Variants in CADPS2 observed in about 807,000 individuals in gnomAD.
CADPS2 encodes calcium-dependent secretion activator 2.
In CADPS2, 93 loss-of-function variants were observed where a neutral mutation model predicts 172.5. That is an observed-to-expected ratio of 0.54 (90% CI 0.46 to 0.64). CADPS2 has a LOEUF of 0.64. Among genes scored for constraint, CADPS2 ranks in the 30% least tolerant of loss-of-function variants. The pLI is 0.00. For missense variants in CADPS2, 1,420 were observed against 1,565.9 expected (o/e 0.91, Z 1.57); for synonymous variants, 546 against 555.2 (o/e 0.98, Z 0.23).
At chr7:122,362,306 A>G (rs1271605287) in intron 25 of CADPS2, among the ~76,000 whole-genome samples, 1 of 152,174 alleles carries the variant, frequency 6.6e-6, no homozygotes, top group African/African-American at 2.4e-5. Flanking sequence ...GCAGAGTACA[A>G]TGGAAAAGAG....
At chr7:122,528,124 TGGTGGTGGTG>T (rs2061429991) in intron 8 of CADPS2, among the ~76,000 whole-genome samples, 1 of 55,626 alleles carries the variant, frequency 1.8e-5, no homozygotes, top group Non-Finnish European at 4.6e-5. Context: ...GTGGTGGTGG[TGGTGGTGGTG>T]GTGGTGGTGG....
chr7:122,811,902 C>A (rs1347728547), intron 1 of CADPS2, among the ~76,000 whole-genome samples: 1 of 152,058 alleles, frequency 6.6e-6, no homozygotes, highest in Non-Finnish European at 1.5e-5. Context: ...TTAGACAGAT[C>A]ATTTGCTAAG....
At chr7:122,717,141 C>T (rs949470262) in intron 2 of CADPS2, among the ~76,000 whole-genome samples, 2 of 151,994 alleles carry the variant, frequency 1.3e-5, no homozygotes, top group African/African-American at 2.4e-5. Flanking sequence ...ACAATTTATC[C>T]TACAGCTTAT....
intron 1 of CADPS2, among the ~76,000 whole-genome samples, chr7:122,861,465 G>T (rs1180189113): frequency 6.6e-6 from 1 of 152,098 alleles, no homozygotes; most frequent in African/African-American, 2.4e-5. Flanking sequence ...GTTTGTTATT[G>T]AATTGTTGGA....
intron 1 of CADPS2, among the ~76,000 whole-genome samples, chr7:122,875,859 A>G (rs547610213): frequency 1.3e-5 from 2 of 152,330 alleles, no homozygotes; most frequent in African/African-American, 4.8e-5. Context: ...TAATCCTAAA[A>G]GAGAAGCTAG....
chr7:122,655,666 T>C (rs1027784024), intron 3 of CADPS2, among the ~76,000 whole-genome samples: 3 of 152,098 alleles, frequency 2.0e-5, no homozygotes, highest in Non-Finnish European at 4.4e-5. Context: ...GGTCTGGAAC[T>C]GGACCCACAA....
At chr7:122,746,318 A>G (rs1163999007) in intron 1 of CADPS2, among the ~76,000 whole-genome samples, 1 of 152,204 alleles carries the variant, frequency 6.6e-6, no homozygotes, top group Non-Finnish European at 1.5e-5. Flanking sequence ...CCAAGTTAAC[A>G]TACGTTTTAA....
chr7:122,381,456 C>T (rs973207021), intron 24 of CADPS2, among the ~76,000 whole-genome samples: 28 of 152,088 alleles, frequency 1.8e-4, no homozygotes, highest in Admixed American at 1.8e-3. Flanking sequence ...CAATGTTTTT[C>T]TCTGTTTTCA....
intron 1 of CADPS2, among the ~76,000 whole-genome samples, chr7:122,799,382 G>A (rs1004972949): frequency 6.6e-5 from 10 of 152,012 alleles, no homozygotes; most frequent in African/African-American, 2.2e-4. Context: ...GGTGGATCAC[G>A]AGGTCAGGAG....
At chr7:122,366,718 C>CGTATATATATATAT (rs2040958709) in intron 25 of CADPS2, 2 of 145,542 alleles carry the variant, frequency 1.4e-5, no homozygotes, top group Non-Finnish European at 3.0e-5. Context: ...TATATATATA[C>CGTATATATATATAT]ACACATATAT....
At chr7:122,712,451 T>C (rs1033568150) in intron 2 of CADPS2, among the ~76,000 whole-genome samples, 5 of 152,170 alleles carry the variant, frequency 3.3e-5, no homozygotes, top group East Asian at 3.9e-4. Context: ...ACTATGTGCA[T>C]AGTACTTAAT....
At chr7:122,322,831 T>C (rs1463979368) in intron 29 of CADPS2, among the ~76,000 whole-genome samples, 1 of 152,186 alleles carries the variant, frequency 6.6e-6, no homozygotes, top group African/African-American at 2.4e-5. Flanking sequence ...TAAATTTTGA[T>C]GGCATCTAGG....
intron 1 of CADPS2, among the ~76,000 whole-genome samples, chr7:122,776,631 T>A (rs914298043): frequency 2.6e-5 from 4 of 151,970 alleles, no homozygotes; most frequent in African/African-American, 9.7e-5. Flanking sequence ...AGTTTGGAAC[T>A]TCCTAGAGAC....
At chr7:122,376,218 T>C (rs1285382139) in intron 25 of CADPS2, among the ~76,000 whole-genome samples, 1 of 152,128 alleles carries the variant, frequency 6.6e-6, no homozygotes, top group Non-Finnish European at 1.5e-5. Context: ...AGCGATCCCA[T>C]TAATGGGTAT....
At chr7:122,878,202 G>C (rs1821767674) in intron 1 of CADPS2, among the ~76,000 whole-genome samples, 1 of 149,188 alleles carries the variant, frequency 6.7e-6, no homozygotes, top group Admixed American at 6.7e-5. Flanking sequence ...GGAGGTTGCA[G>C]TGAGCCGAGA....
rs937541570 is a variant in CADPS2 at position 122,370,513 on chromosome 7, T to A, written c.3387+8855A>T. Among the ~76,000 whole-genome samples, 3 of 152,222 alleles carry A rather than the reference T, an allele frequency of 2.0e-5. No homozygotes were observed. The South Asian group carries it at 6.2e-4, about 32-fold the overall frequency. On this transcript the variant is annotated intron_variant, in intron 25 of 29. Transcript: ENST00000449022. ...GCCAGAGCACATTCCTTTAGCATTT[T>A]CCAGATTTACTTTCATCTACTGGAT...
chr7:122,637,044 T>A (rs1169770113), intron 3 of CADPS2, among the ~76,000 whole-genome samples: 1 of 140,678 alleles, frequency 7.1e-6, no homozygotes, highest in Non-Finnish European at 1.6e-5. Context: ...TTTTTTTAAA[T>A]TGTTTATTTA....
intron 1 of CADPS2, among the ~76,000 whole-genome samples, chr7:122,764,848 C>T (rs1344415938): frequency 2.6e-5 from 4 of 152,042 alleles, no homozygotes; most frequent in Non-Finnish European, 4.4e-5. Context: ...TAGTTTCCAC[C>T]GAGCCATTTC....
intron 3 of CADPS2, among the ~76,000 whole-genome samples, chr7:122,637,321 G>A (rs907951473): frequency 1.3e-5 from 2 of 151,160 alleles, no homozygotes; most frequent in African/African-American, 2.4e-5. Context: ...AGCCTCCCAA[G>A]TAGTTGGGAC....
Sources: allele counts gnomAD v4.1 joint callset (sites outside exome capture counted in the v4.1 genomes callset), GRCh38; gene constraint gnomAD v4.1.1; transcripts MANE v1.5; gene names NCBI Gene and HGNC (gene_info 2026-07-23, HGNC 2026-07-21).